KLHL10: variants seen among roughly 807,000 people sequenced by gnomAD.
The protein encoded by KLHL10 is kelch-like protein 10.
A neutral mutation model predicts 46.6 loss-of-function variants in KLHL10; 11 were observed. The ratio of observed to expected loss-of-function variants is 0.24; its 90% CI spans 0.15 to 0.39. The LOEUF (loss-of-function observed/expected upper bound fraction) is 0.39, where lower values mean the gene tolerates loss of function less well. KLHL10 is among the 10% of genes least tolerant of loss of function. The pLI is 1.00. For synonymous variants in KLHL10, 254 were observed against 279.1 expected (o/e 0.91, Z 0.90); for missense variants, 475 against 789.8 (o/e 0.60, Z 4.78).
chr17:41,845,849 T>C (rs1555621344), intron 3 of KLHL10, 106 bp downstream of exon 3: 3 of 1,359,664 alleles, frequency 2.2e-6, no homozygotes, highest in South Asian at 2.4e-5. Context: ...AGTATTCACT[T>C]TGGAGTACTC....
chr17:41,840,381 A>G (rs1056826049), intron 1 of KLHL10, among the ~76,000 whole-genome samples: 2 of 152,090 alleles, frequency 1.3e-5, no homozygotes, highest in African/African-American at 4.8e-5. Context: ...TGGAATCCCA[A>G]TAATTTGGGA....
At chr17:41,847,831 T>A (rs1204255807) in intron 4 of KLHL10, 102 bp from the exon 5 acceptor site, 1 of 1,481,004 alleles carries the variant, frequency 6.8e-7, no homozygotes, top group East Asian at 2.3e-5. Flanking sequence ...TGGAAGATAA[T>A]GGAAGAGGGA....
chr17:41,837,869 G>A lies in KLHL10; in HGVS notation c.-64G>A. 1 of 1,607,540 alleles carries A rather than the reference G, an allele frequency of 6.2e-7. No individual in the cohort carries two copies. The highest frequency in any genetic ancestry group is 8.5e-7 in the Non-Finnish European group (1 of 1,178,920). ...GAAAAGGAGCGACAGCTGGCTAAAG[G>A]GGCCCCCCACAACCCTCCCCGACAC... On this transcript the variant is annotated 5_prime_UTR_variant, in exon 1 of 5. Coordinates refer to ENST00000293303, the MANE Select transcript of KLHL10 (RefSeq NM_152467.5).
At chr17:41,838,774 C>T (rs781902738) in intron 1 of KLHL10, among the ~76,000 whole-genome samples, 1 of 149,648 alleles carries the variant, frequency 6.7e-6, no homozygotes, top group Non-Finnish European at 1.5e-5. Flanking sequence ...CTGCAAACTC[C>T]GCCTCCCCAG....
At chr17:41,836,768 G>A (rs557088905), upstream of KLHL10, among the ~76,000 whole-genome samples, 49 of 152,320 alleles carry the variant, frequency 3.2e-4, no homozygotes, top group African/African-American at 1.1e-3. Context: ...CCAGGCTCCA[G>A]TAGGCCGAGA....
At position 41,848,047 on chromosome 17, in the gene KLHL10, G is replaced by A; in HGVS notation, c.1567G>A (p.Glu523Lys). Residue 523 changes from glutamate (E) to lysine (K), a missense_variant, in exon 5 of 5, where the codon GAG becomes AAG. Transcript: ENST00000293303. ...TAATCCTCGTAGCAATTTTGGCATCGAGGTGGTGGATGACCTCTTGTTTGT... is the reference window on the plus strand; with the variant it reads ...TAATCCTCGTAGCAATTTTGGCATCAAGGTGGTGGATGACCTCTTGTTTGT... ...MFNPRSNFGIEVVDDLLFVVG... is the reference protein window; with the variant it reads ...MFNPRSNFGIKVVDDLLFVVG... 1 of 1,614,182 alleles carries A rather than the reference G, an allele frequency of 6.2e-7. No homozygotes were observed. The highest frequency in any genetic ancestry group is 1.1e-5 in the South Asian group (1 of 91,076).
chr17:41,848,345 G>C lies in KLHL10; in HGVS notation c.*38G>C. 6.3e-7 allele frequency: 1 copy of C among 1,588,980 alleles called. No individual in the cohort carries two copies. On this transcript the variant is annotated 3_prime_UTR_variant, in exon 5 of 5. Coordinates refer to ENST00000293303, the MANE Select transcript of KLHL10 (RefSeq NM_152467.5). ...AGCTAATAAAAAGTCTAAGCAATAA[G>C]AATTAATTCTTTTTTTAAAAAAATG...
At chr17:41,836,282 C>A, upstream of KLHL10, 2 of 592,462 alleles carry the variant, frequency 3.4e-6, no homozygotes, top group Non-Finnish European at 4.1e-6. Flanking sequence ...GGAGCCCGGG[C>A]GGGGGTTGGT....
Position 41,840,059 on chromosome 17 carries a change from G to A in KLHL10, c.195-1764G>A, listed in dbSNP as rs112362901. On this transcript the variant is annotated intron_variant, in intron 1 of 4. Coordinates refer to ENST00000293303, the MANE Select transcript of KLHL10 (RefSeq NM_152467.5). ...TTGGCCAGGCTGGTCTTGAACTCCT[G>A]ACTTCAGGTGATCCGCCTGCCTCAG... Among the ~76,000 whole-genome samples the A allele has an allele frequency of 5.9e-3, 899 of 152,042 alleles. 5 individuals are homozygous for A. Among genetic ancestry groups the A allele is most frequent in the African/African-American group, 0.021 (867 of 41,478 alleles).
chr17:41,841,122 A>T (rs4796718), intron 1 of KLHL10, among the ~76,000 whole-genome samples: 2 of 150,526 alleles, frequency 1.3e-5, no homozygotes, highest in Non-Finnish European at 3.0e-5. Flanking sequence ...CCTGGGTGAC[A>T]GAGCAAGACC....
rs1331162831 is a variant in KLHL10 at position 41,848,171 on chromosome 17, G to A, written c.1691G>A (p.Arg564His). The change falls in exon 5 of 5, where the codon CGC (arginine) becomes CAC (histidine). Residue 564 changes from arginine (R) to histidine (H), a missense_variant. Physicochemically the swap from Arg to His is conservative, Grantham distance 29. Transcript: ENST00000293303. Reference sequence around the variant, plus strand: ...GATGCTCATGACATGAGTATATACCGCAGTGCTCTGAGCTGCTGTGTAGTA... The same window carrying A: ...GATGCTCATGACATGAGTATATACCACAGTGCTCTGAGCTGCTGTGTAGTA... ...WYDAHDMSIY[R>H]SALSCCVVPG... is the part of the protein sequence containing the mutation. 2 of 1,614,014 alleles carry A rather than the reference G, an allele frequency of 1.2e-6. No homozygotes were observed. Among genetic ancestry groups the A allele is most frequent in the African/African-American group, 1.3e-5 (1 of 74,912 alleles).
At chr17:41,842,377 T>C in intron 2 of KLHL10, 65 bp downstream of exon 2, 1 of 1,593,370 alleles carries the variant, frequency 6.3e-7, no homozygotes, top group Non-Finnish European at 8.6e-7. Context: ...TTCAGACATA[T>C]GACAGATCCC....
chr17:41,843,272 G>A (rs1004979548), intron 2 of KLHL10, among the ~76,000 whole-genome samples: 3 of 151,536 alleles, frequency 2.0e-5, no homozygotes, highest in Non-Finnish European at 2.9e-5. Flanking sequence ...TTTGGGAGGC[G>A]GAGGCAGGTG....
upstream of KLHL10, among the ~76,000 whole-genome samples, chr17:41,836,861 A>G (rs1398298923): frequency 3.3e-5 from 5 of 151,894 alleles, no homozygotes; most frequent in African/African-American, 1.2e-4. Flanking sequence ...GCTGGATGGG[A>G]GGAGAGATGA....
chr17:41,844,239 C>CT (rs1329821874), intron 2 of KLHL10, among the ~76,000 whole-genome samples: 6 of 133,738 alleles, frequency 4.5e-5, no homozygotes, highest in South Asian at 2.4e-4. Context: ...TTTTTTTTTT[C>CT]TTTTTTTTTG....
intron 1 of KLHL10, among the ~76,000 whole-genome samples, chr17:41,839,746 T>C (rs1298360354): frequency 2.0e-5 from 3 of 152,202 alleles, no homozygotes; most frequent in Non-Finnish European, 4.4e-5. Context: ...GGAGTCTTGC[T>C]CTGTCACCCA....
chr17:41,836,159 C>G, upstream of KLHL10: 4 of 1,301,396 alleles, frequency 3.1e-6, no homozygotes, highest in Non-Finnish European at 3.9e-6. Flanking sequence ...CCGCCCCACT[C>G]CGGACGCTTC....
intron 3 of KLHL10, among the ~76,000 whole-genome samples, chr17:41,846,098 C>T (rs577657932): frequency 1.9e-3 from 282 of 151,870 alleles, no homozygotes; most frequent in Middle Eastern, 3.4e-3. Context: ...GTAATCCCAC[C>T]TACTCGGGAG....
At chr17:41,843,256 T>C (rs189780831) in intron 2 of KLHL10, among the ~76,000 whole-genome samples, 1 of 151,848 alleles carries the variant, frequency 6.6e-6, no homozygotes, top group East Asian at 2.0e-4. Flanking sequence ...TCTTTAATCC[T>C]AGCACTTTGG....
Sources: gnomAD v4.1 joint callset for allele counts (sites outside exome capture counted in the v4.1 genomes callset) on GRCh38, gnomAD v4.1.1 for gene constraint, MANE v1.5 for transcripts, NCBI Gene and HGNC (gene_info 2026-07-23, HGNC 2026-07-21) for gene names.